The following TAS2R30 variants were observed in gnomAD, a reference collection of about 807,000 sequenced individuals.
TAS2R30 encodes taste 2 receptor member 30.
For missense variants in TAS2R30, 395 were observed against 371.6 expected (o/e 1.06, Z -0.52); for synonymous variants, 141 against 131.6 (o/e 1.07, Z -0.49).
chr12:11,133,836 A>G, exon 1 of TAS2R30: 1 of 1,614,146 alleles, frequency 6.2e-7, no homozygotes, highest in East Asian at 2.2e-5. Flanking sequence ...AAAAATAGCA[A>G]AGGCCCCAAC....
exon 1 of TAS2R30, chr12:11,133,686 G>C: frequency 6.2e-7 from 1 of 1,614,206 alleles, no homozygotes; most frequent in Non-Finnish European, 8.5e-7. Flanking sequence ...AGAGTGAGGG[G>C]TACAAAGTTT....
exon 1 of TAS2R30, chr12:11,133,054 T>C: frequency 4.4e-6 from 2 of 456,908 alleles, no homozygotes; most frequent in Non-Finnish European, 7.2e-6. Flanking sequence ...ATATTTTCTA[T>C]AATTTGGCAG....
exon 1 of TAS2R30, chr12:11,133,470 G>C: frequency 6.2e-7 from 1 of 1,614,106 alleles, no homozygotes. Flanking sequence ...ATGAAGACAG[G>C]TTGCTTTTCC....
At chr12:11,133,185 A>G (rs1206256193) in exon 1 of TAS2R30, 1 of 1,449,224 alleles carries the variant, frequency 6.9e-7, no homozygotes, top group African/African-American at 1.4e-5. Flanking sequence ...TAGGTAAAAG[A>G]CTTTTCTAGG....
chr12:11,133,179 T>C (rs1352626198), exon 1 of TAS2R30: 4 of 1,419,184 alleles, frequency 2.8e-6, no homozygotes, highest in Middle Eastern at 1.8e-4. Flanking sequence ...TAACTTTAGG[T>C]AAAAGACTTT....
exon 1 of TAS2R30, chr12:11,133,991 T>G (rs767409468): frequency 1.6e-5 from 26 of 1,613,972 alleles, no homozygotes; most frequent in Non-Finnish European, 2.2e-5. Flanking sequence ...CCAGACATTA[T>G]AAGCAGTAAT....
chr12:11,134,157 C>T, exon 1 of TAS2R30: 2 of 1,614,024 alleles, frequency 1.2e-6, no homozygotes, highest in Non-Finnish European at 1.7e-6. Context: ...ATGGAATTTA[C>T]CAATGCTATG....
At chr12:11,134,261 A>G (rs763714284) in exon 1 of TAS2R30, 3 of 1,594,206 alleles carry the variant, frequency 1.9e-6, no homozygotes, top group South Asian at 1.1e-5. Flanking sequence ...ACAGACAAAA[A>G]GAAATTTTTA....
chr12:11,134,068 G>A (rs1290568417), exon 1 of TAS2R30: 3 of 1,614,100 alleles, frequency 1.9e-6, no homozygotes, highest in Non-Finnish European at 2.5e-6. Context: ...ATAACACCCA[G>A]AGCAAACCAA....
exon 1 of TAS2R30, chr12:11,133,750 C>A (rs758242189): frequency 2.0e-5 from 32 of 1,614,068 alleles, no homozygotes; most frequent in Non-Finnish European, 8.5e-7. Flanking sequence ...TCAATTTGAT[C>A]TTCCAAGTCA....
chr12:11,133,610 T>G (rs749894336), exon 1 of TAS2R30: 2 of 1,614,254 alleles, frequency 1.2e-6, no homozygotes, highest in Non-Finnish European at 1.7e-6. Context: ...TCCTTTGCCA[T>G]GGAGCTGCAT....
At chr12:11,133,082 TA>T in exon 1 of TAS2R30, 1 of 490,262 alleles carries the variant, frequency 2.0e-6, no homozygotes, top group Non-Finnish European at 3.0e-6. Context: ...GAAAAAACAA[TA>T]AAAAGCATGT....
At position 11,134,216 on chromosome 12, in the gene TAS2R30, G is replaced by A. The variant is rs781094611; in HGVS notation, c.29C>T (p.Ser10Phe). The A allele has an allele frequency of 5.4e-4, 876 of 1,611,958 alleles. 1 individual carries two copies. The highest frequency in any genetic ancestry group is 1.4e-3 in the Admixed American group (86 of 59,552). ...AACAAATATAACCACTATTAGAATG[G>A]AAAAAATGATGGGCAGAAAAGTTAT... Residue 10 changes from serine to phenylalanine, a missense_variant, in exon 1 of 1, where the codon TCC becomes TTC. Physicochemically the swap from Ser to Phe is radical, Grantham distance 155. Transcript: ENST00000539585.
chr12:11,134,086 G>A (rs374315163), exon 1 of TAS2R30: 2 of 1,614,018 alleles, frequency 1.2e-6, no homozygotes, highest in African/African-American at 2.7e-5. Flanking sequence ...CAACTCTGGA[G>A]ACCGCCAGAG....
At chr12:11,134,486 C>T in exon 1 of TAS2R30, 1 of 507,376 alleles carries the variant, frequency 2.0e-6, no homozygotes, top group Non-Finnish European at 3.4e-6. Context: ...AATTAACTGA[C>T]TCATTCACCA....
chr12:11,133,763 T>A, exon 1 of TAS2R30: 1 of 1,614,192 alleles, frequency 6.2e-7, no homozygotes, highest in South Asian at 1.1e-5. Context: ...CCAAGTCACG[T>A]TTCCTTCATA....
In TAS2R30 at chr12:11,133,572, T is replaced by C. The variant is rs769317612; in HGVS notation, c.673A>G (p.Ile225Val). The C allele has an allele frequency of 3.3e-5, 54 of 1,614,136 alleles. No individual in the cohort carries two copies. The highest frequency in any genetic ancestry group is 6.7e-5 in the Admixed American group (4 of 60,006). ...GAGGTCACAGTTTGCAAAGCTTTTA[T>C]GTGGACCTTGGTGCTGGGATCTTGA... The change falls in exon 1 of 1, where the codon ATA becomes GTA. Residue 225 changes from isoleucine to valine, a missense_variant. By Grantham distance (29) the Ile-to-Val change is conservative. Transcript: ENST00000539585.
rs377679590 is a variant in TAS2R30 at position 11,133,459 on chromosome 12, C to A, written c.786G>T (p.Met262Ile). Residue 262 changes from methionine (M) to isoleucine (I), a missense_variant, in exon 1 of 1, where the codon ATG becomes ATT. Physicochemically the swap from Met to Ile is conservative, Grantham distance 10. Coordinates refer to ENST00000539585, the Ensembl canonical transcript of TAS2R30. Reference sequence around the variant, plus strand: ...AGCTGAATATAATAGCTTGGCAGAACATGAAGACAGGTTGCTTTTCCAGCC... The same window carrying A: ...AGCTGAATATAATAGCTTGGCAGAAAATGAAGACAGGTTGCTTTTCCAGCC... 57 of 1,613,940 alleles carry A rather than the reference C, an allele frequency of 3.5e-5. No individual in the cohort carries two copies. The highest frequency in any genetic ancestry group is 1.0e-4 in the Admixed American group (6 of 59,988).
chr12:11,133,460 A>G, exon 1 of TAS2R30: 1 of 1,614,130 alleles, frequency 6.2e-7, no homozygotes, highest in African/African-American at 1.3e-5. Context: ...TTGGCAGAAC[A>G]TGAAGACAGG....
Sources: gnomAD v4.1 joint callset for allele counts on GRCh38, gnomAD v4.1.1 for gene constraint, MANE v1.5 for transcripts, NCBI Gene and HGNC (gene_info 2026-07-23, HGNC 2026-07-21) for gene names.